RALYL: variants seen among roughly 807,000 people sequenced by gnomAD.
RALYL encodes RALY RNA binding protein like, also known as RNA-binding Raly-like protein.
A neutral mutation model predicts 35.1 loss-of-function variants in RALYL; 29 were observed. That is an observed-to-expected ratio of 0.83 (90% CI 0.61 to 1.13). RALYL has a LOEUF of 1.13. Ranked by LOEUF, RALYL falls within the 50% of genes most tolerant of loss-of-function variation. The pLI, the probability that RALYL is intolerant of heterozygous loss-of-function variation, is 0.00. For synonymous variants in RALYL, 120 were observed against 127.6 expected (o/e 0.94, Z 0.40); for missense variants, 359 against 360.4 (o/e 1.00, Z 0.03).
chr8:84,885,562 ATGT>A (rs1842814528), intron 7 of RALYL, among the ~76,000 whole-genome samples: 1 of 152,186 alleles, frequency 6.6e-6, no homozygotes, highest in Non-Finnish European at 1.5e-5. Flanking sequence ...TGCACAAATA[ATGT>A]TGTTAAATGG....
At chr8:84,389,226 T>C (rs185773637) in intron 1 of RALYL, among the ~76,000 whole-genome samples, 1 of 152,186 alleles carries the variant, frequency 6.6e-6, no homozygotes. Context: ...ATCAGTACCA[T>C]GCTGTTTTGG....
At chr8:84,251,790 TTGTG>T (rs1403214815) in intron 1 of RALYL, among the ~76,000 whole-genome samples, 1 of 152,112 alleles carries the variant, frequency 6.6e-6, no homozygotes, top group African/African-American at 2.4e-5. Context: ...CTTTTGTTTT[TTGTG>T]TGTATTATTA....
At chr8:84,589,770 A>G (rs1247479099) in intron 2 of RALYL, among the ~76,000 whole-genome samples, 2 of 152,234 alleles carry the variant, frequency 1.3e-5, no homozygotes, top group Non-Finnish European at 2.9e-5. Flanking sequence ...AGCAATAAGA[A>G]CGCTAAAAGG....
At chr8:84,467,515 T>C (rs1201592388) in intron 1 of RALYL, among the ~76,000 whole-genome samples, 1 of 151,384 alleles carries the variant, frequency 6.6e-6, no homozygotes, top group Non-Finnish European at 1.5e-5. Context: ...AGATAGTTTG[T>C]TATAATTTCT....
At chr8:84,283,471 T>G (rs1316045801) in intron 1 of RALYL, among the ~76,000 whole-genome samples, 1 of 152,156 alleles carries the variant, frequency 6.6e-6, no homozygotes, top group Non-Finnish European at 1.5e-5. Context: ...TTTCTTCCTG[T>G]GATGCTGGTT....
intron 1 of RALYL, among the ~76,000 whole-genome samples, chr8:84,518,059 C>T (rs1281963423): frequency 1.3e-5 from 2 of 152,126 alleles, no homozygotes; most frequent in Non-Finnish European, 2.9e-5. Context: ...GTTTGAAAAT[C>T]TTCTATGTTA....
chr8:84,396,741 A>G (rs1190030810), intron 1 of RALYL, among the ~76,000 whole-genome samples: 1 of 152,106 alleles, frequency 6.6e-6, no homozygotes, highest in African/African-American at 2.4e-5. Context: ...GTTTTTCAGT[A>G]AGCTTTTAAG....
chr8:84,605,309 C>T (rs188885444), intron 2 of RALYL, among the ~76,000 whole-genome samples: 1 of 152,202 alleles, frequency 6.6e-6, no homozygotes, highest in East Asian at 1.9e-4. Flanking sequence ...CAAAGAACAT[C>T]GTCTTTTTAT....
chr8:84,313,631 G>T (rs1260119832), intron 1 of RALYL, among the ~76,000 whole-genome samples: 2 of 152,152 alleles, frequency 1.3e-5, no homozygotes, highest in African/African-American at 4.8e-5. Context: ...CTCTAGGTAA[G>T]GTGCAAAATG....
At chr8:84,425,673 C>A (rs1047127424) in intron 1 of RALYL, among the ~76,000 whole-genome samples, 1 of 152,136 alleles carries the variant, frequency 6.6e-6, no homozygotes, top group East Asian at 1.9e-4. Context: ...ACTTAATATC[C>A]TATCCTGATG....
At chr8:84,703,725 C>A (rs1197325047) in intron 2 of RALYL, among the ~76,000 whole-genome samples, 1 of 152,122 alleles carries the variant, frequency 6.6e-6, no homozygotes, top group South Asian at 2.1e-4. Flanking sequence ...TAAATATATA[C>A]CACCTATATA....
chr8:84,822,209 G>A (rs1828692716), intron 4 of RALYL, among the ~76,000 whole-genome samples: 2 of 152,092 alleles, frequency 1.3e-5, no homozygotes, highest in African/African-American at 4.8e-5. Context: ...CTTTTTAAAA[G>A]TGAGGTTCTC....
At chr8:84,689,310 T>C (rs940500597) in intron 2 of RALYL, among the ~76,000 whole-genome samples, 1 of 152,126 alleles carries the variant, frequency 6.6e-6, no homozygotes, top group African/African-American at 2.4e-5. Flanking sequence ...TTCCCACCTA[T>C]GAGTAAGAAT....
chr8:84,635,021 G>GT lies in RALYL; in HGVS notation c.256+105445dup, dbSNP rs543241914. On this transcript the variant is annotated intron_variant, in intron 2 of 8. Coordinates refer to ENST00000521268, the MANE Select transcript of RALYL (RefSeq NM_173848.7). Reference sequence around the variant, plus strand: ...ACCTGCTGTTTGCCAGATAATGGTGGTAAAAAAAGGTATTCAAGATAGTAA... The same window carrying GT: ...ACCTGCTGTTTGCCAGATAATGGTGGTTAAAAAAAGGTATTCAAGATAGTAA... 2.6e-5 allele frequency among the ~76,000 whole-genome samples: 4 copies of GT among 151,712 alleles called. No individual in the cohort carries two copies. In the East Asian group the frequency reaches 7.8e-4, roughly 29 times the overall value.
At chr8:84,723,065 A>G (rs1371574725) in intron 2 of RALYL, among the ~76,000 whole-genome samples, 2 of 151,990 alleles carry the variant, frequency 1.3e-5, no homozygotes, top group Non-Finnish European at 2.9e-5. Context: ...GTAAAATTTT[A>G]GATAATTTAA....
At chr8:84,248,924 T>C (rs901475980) in intron 1 of RALYL, among the ~76,000 whole-genome samples, 2 of 152,042 alleles carry the variant, frequency 1.3e-5, no homozygotes, top group Non-Finnish European at 2.9e-5. Flanking sequence ...AAACATAAAT[T>C]ATCCAGCTTG....
chr8:84,835,049 C>G (rs560704920), intron 4 of RALYL, among the ~76,000 whole-genome samples: 1 of 152,198 alleles, frequency 6.6e-6, no homozygotes, highest in South Asian at 2.1e-4. Flanking sequence ...GGATCATAGT[C>G]TACAGGATTT....
intron 1 of RALYL, among the ~76,000 whole-genome samples, chr8:84,427,050 T>G (rs948237176): frequency 4.6e-5 from 7 of 152,212 alleles, no homozygotes; most frequent in African/African-American, 1.7e-4. Flanking sequence ...AAACAACTCA[T>G]GGATGAACAG....
At chr8:84,378,421 T>C (rs1857336776) in intron 1 of RALYL, among the ~76,000 whole-genome samples, 1 of 151,960 alleles carries the variant, frequency 6.6e-6, no homozygotes, top group South Asian at 2.1e-4. Context: ...TCATGTATTT[T>C]AGGCATATAT....
Sources: allele counts gnomAD v4.1 joint callset (sites outside exome capture counted in the v4.1 genomes callset), GRCh38; gene constraint gnomAD v4.1.1; transcripts MANE v1.5; gene names NCBI Gene and HGNC (gene_info 2026-07-23, HGNC 2026-07-21).